Variants in MED17 observed in about 807,000 individuals in gnomAD.
The protein encoded by MED17 is mediator of RNA polymerase II transcription subunit 17.
A neutral mutation model predicts 80.8 loss-of-function variants in MED17; 49 were observed. The ratio of observed to expected loss-of-function variants is 0.61; its 90% CI spans 0.48 to 0.77. The LOEUF (loss-of-function observed/expected upper bound fraction) is 0.77, where lower values mean the gene tolerates loss of function less well. Among genes scored for constraint, MED17 ranks in the 30% least tolerant of loss-of-function variants. MED17 has a pLI of 0.00. For missense variants in MED17, 718 were observed against 787.0 expected (o/e 0.91, Z 1.05); for synonymous variants, 281 against 280.4 (o/e 1.00, Z -0.02).
intron 7 of MED17, among the ~76,000 whole-genome samples, chr11:93,796,783 A>C (rs1943907963): frequency 6.6e-6 from 1 of 152,210 alleles, no homozygotes. Context: ...TGTAAGAAAC[A>C]TGATGCTAAA....
chr11:93,784,524 T>C lies in MED17; in HGVS notation c.11T>C (p.Val4Ala). MSG[V>A]RAVRISIESA... ...GCCGACGCAGCCAGCATGTCCGGGG[T>C]GCGCGCAGTGCGGATCAGCATCGAA... is the stretch of plus-strand genomic sequence containing the variant. The change falls in exon 1 of 12, where the codon GTG (valine) becomes GCG (alanine). Residue 4 changes from valine to alanine, a missense_variant. Transcript: ENST00000251871. 6.3e-7 allele frequency: 1 copy of C among 1,599,044 alleles called. No individual in the cohort carries two copies. The highest frequency in any genetic ancestry group is 8.5e-7 in the Non-Finnish European group (1 of 1,170,778).
At chr11:93,805,310 A>G (rs1188936995) in intron 9 of MED17, among the ~76,000 whole-genome samples, 4 of 152,214 alleles carry the variant, frequency 2.6e-5, no homozygotes, top group Non-Finnish European at 5.9e-5. Flanking sequence ...AGAGAAGGAC[A>G]TTTGGCTGGG....
In MED17 at chr11:93,784,655, G is replaced by C. The variant is rs925272656; in HGVS notation, c.142G>C (p.Asp48His). 2 of 1,569,116 alleles carry C rather than the reference G, an allele frequency of 1.3e-6. No individual in the cohort carries two copies. Among genetic ancestry groups the C allele is most frequent in the Admixed American group, 3.8e-5 (2 of 51,970 alleles). Residue 48 changes from aspartate (D) to histidine (H), a missense_variant, in exon 1 of 12, where the codon GAC becomes CAC. Transcript: ENST00000251871. The stretch of plus-strand genomic sequence containing the variant: ...TCTGGCGCGTCTGGCCCAGCGGATA[G>C]ACTTCAGCCAGGGTTCGGGCTCCGA... ...QNLARLAQRI[D>H]FSQGSGSEEE...
Position 93,802,669 on chromosome 11 carries a change from G to C in MED17, c.1466+697G>C, listed in dbSNP as rs375004345. 1.5e-3 allele frequency among the ~76,000 whole-genome samples: 224 copies of C among 152,200 alleles called. 1 individual carries two copies. Among genetic ancestry groups the C allele is most frequent in the African/African-American group, 5.0e-3 (209 of 41,512 alleles). On this transcript the variant is annotated intron_variant, in intron 9 of 11. Coordinates refer to ENST00000251871, the MANE Select transcript of MED17 (RefSeq NM_004268.5). ...AGTGAATAGGGCCATTTGTATTCTAGCCTATACTCTCCATGTTATGCCTAA... is the reference window on the plus strand; with the variant it reads ...AGTGAATAGGGCCATTTGTATTCTACCCTATACTCTCCATGTTATGCCTAA...
intron 2 of MED17, chr11:93,789,875 C>T (rs1015694103): frequency 6.6e-6 from 1 of 151,336 alleles, no homozygotes; most frequent in Admixed American, 6.6e-5. Flanking sequence ...AGGAGGATCA[C>T]TTGAGCCAGT....
chr11:93,796,585 A>G (rs1943905344), intron 7 of MED17, 45 bp downstream of exon 7: 1 of 1,608,796 alleles, frequency 6.2e-7, no homozygotes, highest in Non-Finnish European at 8.5e-7. Context: ...GAGTATGTCC[A>G]GGGCAGTGAG....
At chr11:93,803,982 T>C (rs1353283190) in intron 9 of MED17, among the ~76,000 whole-genome samples, 21 of 13,462 alleles carry the variant, frequency 1.6e-3, no homozygotes, top group African/African-American at 4.6e-3. Flanking sequence ...TGTGTGTGTG[T>C]GTGTATATAT....
At chr11:93,797,423 A>G in intron 7 of MED17, 112 bp from the exon 8 acceptor site, 2 of 1,054,888 alleles carry the variant, frequency 1.9e-6, no homozygotes, top group East Asian at 4.8e-5. Context: ...GATTGTTTTC[A>G]TATGTGGTTC....
In MED17 at chr11:93,812,249, A is replaced by G. The variant is rs1336207765; in HGVS notation, c.*185A>G. Reference sequence around the variant, plus strand: ...ATAAATGACAAGTGCTTTGAAATGCAGAAGTTTATGTACAGTTGTATATAC... The same window carrying G: ...ATAAATGACAAGTGCTTTGAAATGCGGAAGTTTATGTACAGTTGTATATAC... On this transcript the variant is annotated 3_prime_UTR_variant, in exon 12 of 12. Coordinates refer to ENST00000251871, the MANE Select transcript of MED17 (RefSeq NM_004268.5). The G allele has an allele frequency of 3.1e-6, 2 of 639,102 alleles. No individual in the cohort carries two copies. The highest frequency in any genetic ancestry group is 5.5e-6 in the Non-Finnish European group (2 of 365,028). 39.6% of individuals were successfully genotyped at this position (639,102 alleles called of 1,614,324 possible). A position where few individuals can be genotyped will look rare whatever the true frequency, so the allele number is the denominator to read the frequency against.
At chr11:93,787,622 C>T (rs1335575530) in intron 1 of MED17, among the ~76,000 whole-genome samples, 1 of 152,020 alleles carries the variant, frequency 6.6e-6, no homozygotes, top group Non-Finnish European at 1.5e-5. Flanking sequence ...CTAATAGTGG[C>T]TGGCTTACAG....
chr11:93,796,576 A>G (rs1418162742), intron 7 of MED17, 36 bp downstream of exon 7: 2 of 1,611,694 alleles, frequency 1.2e-6, no homozygotes, highest in Non-Finnish European at 1.7e-6. Flanking sequence ...CGCTGTGGTG[A>G]GTATGTCCAG....
In MED17 at chr11:93,796,042, C is replaced by T. The variant is rs149808944; in HGVS notation, c.1013-368C>T. The T allele has an allele frequency of 3.4e-3, 1,015 of 295,430 alleles. 13 individuals are homozygous for T. The highest frequency in any genetic ancestry group is 0.021 in the African/African-American group (931 of 45,200). 18.3% of individuals were successfully genotyped at this position (295,430 alleles called of 1,614,324 possible). A position where few individuals can be genotyped will look rare whatever the true frequency, so the allele number is the denominator to read the frequency against. On this transcript the variant is annotated intron_variant, in intron 6 of 11. Transcript: ENST00000251871. The stretch of plus-strand genomic sequence containing the variant: ...GGCTCACTGCAACCTGTCCACTTCC[C>T]GGGTCCAAGCAATTCTCCTGCCTCA...
chr11:93,796,659 C>G, intron 7 of MED17, 119 bp downstream of exon 7: 2 of 1,177,666 alleles, frequency 1.7e-6, no homozygotes, highest in Non-Finnish European at 1.3e-6. Context: ...CATTCACTGT[C>G]TGATGTGAAA....
rs1313114390 is a variant in MED17, at chr11:93,793,749, G to A, written c.659G>A (p.Gly220Asp). 4 of 1,580,654 alleles carry A rather than the reference G, an allele frequency of 2.5e-6. No individual in the cohort carries two copies. The Admixed American group carries it at 6.7e-5, about 26-fold the overall frequency. Residue 220 changes from glycine (G) to aspartate (D), a missense_variant, in exon 4 of 12, where the codon GGT (glycine) becomes GAT (aspartate). Gly to Asp is a moderately conservative substitution (Grantham distance 94). Coordinates refer to ENST00000251871, the MANE Select transcript of MED17 (RefSeq NM_004268.5). ...TTAGGATCTCTCTTTCCTCATCATG[G>A]TACATTTGAAGTAATAAAGAATACA... is the stretch of plus-strand genomic sequence containing the variant. Reference protein sequence around the residue: ...RSAGSLFPHHGTFEVIKNTDL... With the variant: ...RSAGSLFPHHDTFEVIKNTDL...
Position 93,801,837 on chromosome 11 carries a change from CT to C in MED17, c.1332del (p.Ala445LeufsTer7). The C allele has an allele frequency of 1.2e-6, 2 of 1,613,014 alleles. No homozygotes were observed. The highest frequency in any genetic ancestry group is 1.7e-6 in the Non-Finnish European group (2 of 1,179,536). On this transcript the variant is annotated frameshift_variant, in exon 9 of 12. Transcript: ENST00000251871. LOFTEE classifies it high-confidence loss of function. ...TTTTAACTTCTTGTATTTAAAAGAG[CT>C]GCTGCAACCATTGACAGCTTAGCAA... ...QAKHIFLRSR[A>X]AATIDSLASR...
Position 93,807,636 on chromosome 11 carries a change from G to C in MED17, c.1584+1G>C, listed in dbSNP as rs757890568. ...GCTACAGGATTTTCTTCTGTCTCAG[G>C]TAACAGTTGCAGATTTTGTCTTAAG... On this transcript the variant is annotated splice_donor_variant, in intron 10 of 11. Transcript: ENST00000251871. LOFTEE classifies it high-confidence loss of function. 1.9e-6 allele frequency: 3 copies of C among 1,558,778 alleles called. No individual in the cohort carries two copies. The highest frequency in any genetic ancestry group is 8.9e-7 in the Non-Finnish European group (1 of 1,129,840).
At chr11:93,810,198 G>A in intron 11 of MED17, 1 of 330,002 alleles carries the variant, frequency 3.0e-6, no homozygotes, top group South Asian at 2.7e-5. Flanking sequence ...CTGTAAACAT[G>A]GGAAGAAAAA....
chr11:93,794,285 A>C (rs921949538), intron 5 of MED17: 2 of 374,654 alleles, frequency 5.3e-6, no homozygotes, highest in African/African-American at 4.3e-5. Context: ...GCTCACCGCA[A>C]CGTCTACCTC....
At chr11:93,797,839 G>A (rs1194879320) in intron 8 of MED17, 120 bp downstream of exon 8, 7 of 896,886 alleles carry the variant, frequency 7.8e-6, no homozygotes, top group African/African-American at 1.7e-5. Context: ...GAGAGGAGGT[G>A]GTAAGAGTTT....
Sources: gnomAD v4.1 joint callset for allele counts (sites outside exome capture counted in the v4.1 genomes callset) on GRCh38, gnomAD v4.1.1 for gene constraint, MANE v1.5 for transcripts, NCBI Gene and HGNC (gene_info 2026-07-23, HGNC 2026-07-21) for gene names.